EXOC4: variants seen among roughly 807,000 people sequenced by gnomAD.
EXOC4 encodes SEC8-like 1.
Under a neutral mutation model 107.2 loss-of-function variants are expected in EXOC4, and 71 were observed. The ratio of observed to expected loss-of-function variants is 0.66; its 90% CI spans 0.55 to 0.81. The LOEUF (loss-of-function observed/expected upper bound fraction) is 0.81. Among genes scored for constraint, EXOC4 ranks in the 30% least tolerant of loss-of-function variants. The pLI is 0.00. For synonymous variants in EXOC4, 456 were observed against 441.2 expected, an observed-to-expected ratio of 1.03 and a Z score of -0.42; for missense variants, 1,108 against 1,189.6, an observed-to-expected ratio of 0.93 and a Z score of 1.01.
intron 13 of EXOC4, among the ~76,000 whole-genome samples, chr7:133,931,687 A>G (rs1465050054): frequency 6.6e-6 from 1 of 152,138 alleles, no homozygotes. Context: ...CTCTCATACT[A>G]ATGCATTTGA....
chr7:133,873,577 GT>G (rs1798791446), intron 11 of EXOC4, among the ~76,000 whole-genome samples: 1 of 152,134 alleles, frequency 6.6e-6, no homozygotes, highest in East Asian at 1.9e-4. Flanking sequence ...TTTTCCTCCT[GT>G]TTTTGGTGTT....
intron 11 of EXOC4, among the ~76,000 whole-genome samples, chr7:133,867,426 C>T (rs547624619): frequency 6.6e-6 from 1 of 152,242 alleles, no homozygotes; most frequent in African/African-American, 2.4e-5. Context: ...TGTATAAAAC[C>T]TCTTACCCCT....
At chr7:134,085,911 A>G in the EXOC4 span, among the ~76,000 whole-genome samples, 1 of 152,232 alleles carries the variant, frequency 6.6e-6, no homozygotes, top group East Asian at 1.9e-4. Context: ...CTGGAAGGCC[A>G]TACACATGGC....
intron 10 of EXOC4, among the ~76,000 whole-genome samples, chr7:133,662,416 G>T (rs1036998177): frequency 6.6e-6 from 1 of 152,108 alleles, no homozygotes. Context: ...AGGAGAATGG[G>T]AGGGAAATTA....
chr7:134,067,129 G>A (rs138176761), downstream of EXOC4, among the ~76,000 whole-genome samples: 2,976 of 138,400 alleles, frequency 0.022, 46 homozygotes, highest in Non-Finnish European at 0.035. Context: ...CAGCCTAGGC[G>A]ACAGAGCGAC....
intron 9 of EXOC4, among the ~76,000 whole-genome samples, chr7:133,489,358 A>G (rs1799329022): frequency 6.6e-6 from 1 of 152,208 alleles, no homozygotes. Flanking sequence ...CAATTTTTTA[A>G]GAAGCCTCTT....
intron 9 of EXOC4, among the ~76,000 whole-genome samples, chr7:133,555,586 T>G (rs1800675535): frequency 6.6e-6 from 1 of 152,198 alleles, no homozygotes; most frequent in Non-Finnish European, 1.5e-5. Context: ...TTTGCTATTT[T>G]GGCATCTACA....
intron 7 of EXOC4, among the ~76,000 whole-genome samples, chr7:133,379,021 T>C (rs1187134006): frequency 6.6e-6 from 1 of 152,142 alleles, no homozygotes; most frequent in African/African-American, 2.4e-5. Context: ...TTTTAAATAA[T>C]TTTAAAATTG....
intron 7 of EXOC4, among the ~76,000 whole-genome samples, chr7:133,424,539 A>C (rs1347149525): frequency 6.6e-6 from 1 of 152,140 alleles, no homozygotes; most frequent in Non-Finnish European, 1.5e-5. Context: ...TCATTCTTGA[A>C]GTCAGCAAGA....
intron 10 of EXOC4, among the ~76,000 whole-genome samples, chr7:133,793,301 G>A (rs548937468): frequency 1.3e-3 from 202 of 152,060 alleles, no homozygotes; most frequent in African/African-American, 4.4e-3. Flanking sequence ...GGGAAGTTTG[G>A]GGGGCTACAG....
At chr7:133,487,307 C>A (rs527604254) in intron 9 of EXOC4, among the ~76,000 whole-genome samples, 3 of 152,180 alleles carry the variant, frequency 2.0e-5, no homozygotes, top group Non-Finnish European at 4.4e-5. Context: ...TTCATTCATA[C>A]AGATGTGAGA....
chr7:133,369,565 A>G (rs1361353973), intron 6 of EXOC4, among the ~76,000 whole-genome samples: 2 of 152,044 alleles, frequency 1.3e-5, no homozygotes, highest in East Asian at 1.9e-4. Context: ...CTTTCTAACC[A>G]TCTTTTTAAT....
chr7:133,834,594 G>A (rs750062246), intron 11 of EXOC4, among the ~76,000 whole-genome samples: 9 of 152,180 alleles, frequency 5.9e-5, no homozygotes, highest in Non-Finnish European at 1.2e-4. Context: ...GTTCAATTTC[G>A]TTAGGATTTT....
At chr7:133,449,107 AAAAT>A (rs1798284080) in intron 7 of EXOC4, among the ~76,000 whole-genome samples, 1 of 152,162 alleles carries the variant, frequency 6.6e-6, no homozygotes, top group Non-Finnish European at 1.5e-5. Context: ...CTCTGTCTCA[AAAAT>A]AAATAAATAA....
At chr7:133,550,360 TC>T (rs1800562075) in intron 9 of EXOC4, among the ~76,000 whole-genome samples, 1 of 152,198 alleles carries the variant, frequency 6.6e-6, no homozygotes, top group Admixed American at 6.5e-5. Flanking sequence ...GTATTAAATA[TC>T]AGGCCCTGTT....
chr7:133,787,964 TATATATATATATATATATATA>T (rs1796618041), intron 10 of EXOC4, among the ~76,000 whole-genome samples: 1 of 9,238 alleles, frequency 1.1e-4, no homozygotes. Flanking sequence ...TTTATATATT[TATATATATATATATATATATA>T]TATATATATA....
At chr7:133,662,085 C>T (rs1281723354) in intron 10 of EXOC4, among the ~76,000 whole-genome samples, 1 of 152,110 alleles carries the variant, frequency 6.6e-6, no homozygotes, top group Non-Finnish European at 1.5e-5. Context: ...AGGAGGCTGG[C>T]GCAGAAAAGG....
intron 11 of EXOC4, among the ~76,000 whole-genome samples, chr7:133,836,645 C>A (rs1797925081): frequency 6.6e-6 from 1 of 152,144 alleles, no homozygotes. Context: ...ACATTTCTCT[C>A]CTAATTTATG....
At chr7:133,907,637 G>A (rs1005459842) in intron 12 of EXOC4, among the ~76,000 whole-genome samples, 2 of 152,148 alleles carry the variant, frequency 1.3e-5, no homozygotes, top group Admixed American at 6.5e-5. Flanking sequence ...TCAGGATTTC[G>A]AGACCAGCCT....
Sources: allele counts gnomAD v4.1 joint callset (sites outside exome capture counted in the v4.1 genomes callset), GRCh38; gene constraint gnomAD v4.1.1; transcripts MANE v1.5; gene names NCBI Gene and HGNC (gene_info 2026-07-23, HGNC 2026-07-21).